Variants in BRD10 observed in about 807,000 individuals in gnomAD.
The protein encoded by BRD10 is bromodomain containing 10.
the BRD10 span, among the ~76,000 whole-genome samples, chr9:5,897,100 G>C: frequency 6.6e-6 from 1 of 152,220 alleles, no homozygotes. Flanking sequence ...GTGTTGATGT[G>C]AGAATTGAAT....
the BRD10 span, among the ~76,000 whole-genome samples, chr9:5,952,869 T>C: frequency 3.9e-5 from 6 of 152,330 alleles, no homozygotes; most frequent in East Asian, 1.2e-3. Context: ...AAGTAAACAG[T>C]AAAATTGTTA....
At chr9:5,934,358 C>CTTTT in the BRD10 span, among the ~76,000 whole-genome samples, 534 of 129,966 alleles carry the variant, frequency 4.1e-3, 68 homozygotes, top group African/African-American at 8.5e-3. Flanking sequence ...TTACGCTTTT[C>CTTTT]TTTTTTTTTT....
the BRD10 span, chr9:5,899,124 G>C: frequency 6.6e-6 from 1 of 152,154 alleles, no homozygotes; most frequent in Admixed American, 6.5e-5. Context: ...AGATCTCGCT[G>C]TCTCTCTTTC....
At chr9:5,892,553 T>G in the BRD10 span, 1 of 1,611,610 alleles carries the variant, frequency 6.2e-7, no homozygotes, top group African/African-American at 1.3e-5. Context: ...GGCTGAAGAG[T>G]AAGTTCAAAA....
the BRD10 span, among the ~76,000 whole-genome samples, chr9:5,967,479 T>C: frequency 2.0e-5 from 3 of 152,262 alleles, no homozygotes; most frequent in African/African-American, 2.4e-5. Context: ...GTCTTATTAA[T>C]TGATGTAATT....
At chr9:5,947,123 T>C in the BRD10 span, among the ~76,000 whole-genome samples, 2 of 152,120 alleles carry the variant, frequency 1.3e-5, no homozygotes, top group Non-Finnish European at 2.9e-5. Context: ...ACGAATGAAA[T>C]CACACAGCTT....
At chr9:5,892,520 G>A in the BRD10 span, 2 of 1,613,716 alleles carry the variant, frequency 1.2e-6, no homozygotes, top group South Asian at 2.2e-5. Context: ...CCCCAAGAAG[G>A]GGCACGGCCA....
the BRD10 span, among the ~76,000 whole-genome samples, chr9:5,941,044 G>C: frequency 1.3e-5 from 2 of 151,848 alleles, no homozygotes; most frequent in Non-Finnish European, 2.9e-5. Context: ...AATTGAAAAA[G>C]ACTGAAACTT....
At chr9:5,941,389 C>T in the BRD10 span, among the ~76,000 whole-genome samples, 26 of 152,200 alleles carry the variant, frequency 1.7e-4, no homozygotes, top group African/African-American at 5.3e-4. Flanking sequence ...AGAATGCTAT[C>T]ATGTAAATAA....
At chr9:6,004,635 T>G in the BRD10 span, among the ~76,000 whole-genome samples, 5 of 152,240 alleles carry the variant, frequency 3.3e-5, no homozygotes, top group African/African-American at 1.2e-4. Flanking sequence ...AAAATTCAAA[T>G]AATATCTAAG....
the BRD10 span, among the ~76,000 whole-genome samples, chr9:5,990,940 A>AT: frequency 6.6e-6 from 1 of 152,186 alleles, no homozygotes; most frequent in African/African-American, 2.4e-5. Context: ...ATTGCCTGTT[A>AT]TTTTTTAAAA....
the BRD10 span, chr9:5,913,891 C>G: frequency 3.0e-6 from 1 of 334,580 alleles, no homozygotes; most frequent in African/African-American, 2.2e-5. Context: ...AAAAATGCAG[C>G]TCATATGAAA....
At chr9:6,007,904 G>C in the BRD10 span, 1 of 1,354,884 alleles carries the variant, frequency 7.4e-7, no homozygotes, top group South Asian at 1.8e-5. Context: ...GCCACATCGG[G>C]CCTGGCTCTC....
At chr9:5,996,559 G>A in the BRD10 span, among the ~76,000 whole-genome samples, 4 of 152,076 alleles carry the variant, frequency 2.6e-5, no homozygotes, top group East Asian at 3.8e-4. Flanking sequence ...TCAAACTCCC[G>A]ACCTCAGGTG....
chr9:5,960,293 G>T, the BRD10 span, among the ~76,000 whole-genome samples: 2 of 152,182 alleles, frequency 1.3e-5, no homozygotes, highest in African/African-American at 4.8e-5. Flanking sequence ...CGGGCGTGCT[G>T]CCTCACGCCT....
At chr9:5,997,637 A>G in the BRD10 span, among the ~76,000 whole-genome samples, 1 of 152,216 alleles carries the variant, frequency 6.6e-6, no homozygotes, top group Non-Finnish European at 1.5e-5. Context: ...AAACATGGTA[A>G]TTCAAAATAA....
At chr9:5,945,708 C>A in the BRD10 span, among the ~76,000 whole-genome samples, 3 of 151,998 alleles carry the variant, frequency 2.0e-5, no homozygotes. Flanking sequence ...TTAGTAACTA[C>A]ATCTTAGTTT....
At chr9:5,921,440 G>C in the BRD10 span, 13 of 1,613,850 alleles carry the variant, frequency 8.1e-6, no homozygotes, top group South Asian at 1.2e-4. Flanking sequence ...AAGAGTTGGG[G>C]TTGATGTACC....
chr9:6,003,294 C>T, the BRD10 span, among the ~76,000 whole-genome samples: 1 of 152,136 alleles, frequency 6.6e-6, no homozygotes, highest in Non-Finnish European at 1.5e-5. Flanking sequence ...GCCTACATGG[C>T]AATATTCTTA....
Sources: allele counts gnomAD v4.1 joint callset (sites outside exome capture counted in the v4.1 genomes callset), GRCh38; gene constraint gnomAD v4.1.1; transcripts MANE v1.5; gene names NCBI Gene and HGNC (gene_info 2026-07-23, HGNC 2026-07-21).